Variants in SOAT2 observed in about 807,000 individuals in gnomAD.
SOAT2 encodes the protein sterol O-acyltransferase 2.
Under a neutral mutation model 76.0 loss-of-function variants are expected in SOAT2, and 87 were observed. The observed-to-expected ratio is 1.14, with a 90% confidence interval of 0.96 to 1.37. SOAT2 has a LOEUF of 1.37. SOAT2 is among the 40% of genes most tolerant of loss of function. SOAT2 has a pLI of 0.00. For synonymous variants in SOAT2, 285 were observed against 275.4 expected, an observed-to-expected ratio of 1.03 and a Z score of -0.34; for missense variants, 686 against 682.1, an observed-to-expected ratio of 1.01 and a Z score of -0.06.
At chr12:53,108,510 C>T (rs554176323) in intron 5 of SOAT2, among the ~76,000 whole-genome samples, 1 of 152,178 alleles carries the variant, frequency 6.6e-6, no homozygotes. Context: ...AAACATGCTC[C>T]AAATTTTATT....
At position 53,115,655 on chromosome 12, in the gene SOAT2, G is replaced by A. The variant is rs778032491; in HGVS notation, c.708+1G>A. ...CCGTTGTGTCCTGGTCTTCGAGCAG[G>A]TGAGGGCCGAGCCCTGCTGACGGAC... On this transcript the variant is annotated splice_donor_variant, in intron 6 of 14. Transcript: ENST00000301466. LOFTEE classifies it high-confidence loss of function. 6.6e-7 allele frequency: 1 copy of A among 1,521,124 alleles called. No individual in the cohort carries two copies. Among genetic ancestry groups the A allele is most frequent in the Non-Finnish European group, 8.8e-7 (1 of 1,140,158 alleles). The allele number at this position is 1,521,124 out of a possible 1,614,324, so 94.2% of individuals were successfully genotyped here. A position where few individuals can be genotyped will look rare whatever the true frequency, so the allele number is the denominator to read the frequency against.
intron 6 of SOAT2, among the ~76,000 whole-genome samples, 170 bp downstream of exon 6, chr12:53,115,824 G>A (rs552419385): frequency 1.3e-5 from 2 of 152,242 alleles, no homozygotes; most frequent in Non-Finnish European, 2.9e-5. Flanking sequence ...CGAGGGATTT[G>A]GGGAACCTGC....
chr12:53,104,413 T>A (rs950073355), intron 2 of SOAT2, among the ~76,000 whole-genome samples: 1 of 151,000 alleles, frequency 6.6e-6, no homozygotes, highest in African/African-American at 2.4e-5. Context: ...GAACTACAGA[T>A]GAGTGCCACC....
chr12:53,118,801 G>A, intron 8 of SOAT2, 89 bp from the exon 9 acceptor site: 1 of 1,425,718 alleles, frequency 7.0e-7, no homozygotes, highest in Non-Finnish European at 9.9e-7. Context: ...TAAGGGAACT[G>A]AGGAGAGAGG....
chr12:53,117,113 C>A (rs1304523665), intron 7 of SOAT2, among the ~76,000 whole-genome samples: 4 of 151,778 alleles, frequency 2.6e-5, no homozygotes, highest in Non-Finnish European at 4.4e-5. Context: ...TGTGTGTCAC[C>A]ACACCCAGCT....
intron 11 of SOAT2, 107 bp downstream of exon 11, chr12:53,120,990 C>T: frequency 2.4e-6 from 2 of 843,114 alleles, no homozygotes; most frequent in East Asian, 4.8e-5. Flanking sequence ...ATGCTGTTCA[C>T]CTCCCATAAT....
intron 5 of SOAT2, among the ~76,000 whole-genome samples, chr12:53,113,197 T>C (rs1164539357): frequency 6.6e-6 from 1 of 151,998 alleles, no homozygotes; most frequent in Non-Finnish European, 1.5e-5. Flanking sequence ...CAAAACCAAC[T>C]CAAAACCTGA....
intron 5 of SOAT2, among the ~76,000 whole-genome samples, chr12:53,110,641 T>C (rs1252908130): frequency 6.6e-6 from 1 of 152,168 alleles, no homozygotes; most frequent in East Asian, 1.9e-4. Flanking sequence ...TTTTTGCATA[T>C]CTAGGGGGCA....
chr12:53,108,343 TAA>T (rs1022138019), intron 5 of SOAT2, among the ~76,000 whole-genome samples: 1 of 152,174 alleles, frequency 6.6e-6, no homozygotes, highest in Non-Finnish European at 1.5e-5. Context: ...TTCGATTCCT[TAA>T]AAAAGAGTAC....
At chr12:53,110,176 G>T (rs1319973876) in intron 5 of SOAT2, among the ~76,000 whole-genome samples, 1 of 152,098 alleles carries the variant, frequency 6.6e-6, no homozygotes, top group Non-Finnish European at 1.5e-5. Flanking sequence ...TATACACCTT[G>T]CACATAAATT....
chr12:53,120,711 C>T, intron 10 of SOAT2, 75 bp from the exon 11 acceptor site: 1 of 1,046,838 alleles, frequency 9.6e-7, no homozygotes, highest in Admixed American at 1.7e-5. Context: ...AGGGGCTCCT[C>T]AGAACCCAGA....
intron 5 of SOAT2, among the ~76,000 whole-genome samples, chr12:53,113,583 GC>G (rs1175383743): frequency 6.6e-6 from 1 of 152,192 alleles, no homozygotes; most frequent in Admixed American, 6.5e-5. Flanking sequence ...ATTTCTTGAG[GC>G]CCAGTAACGA....
In SOAT2 at chr12:53,119,285, G is replaced by T. The variant is rs1250476714; in HGVS notation, c.1039+32G>T. 8.7e-6 allele frequency: 14 copies of T among 1,609,378 alleles called. No individual in the cohort carries two copies. In the Admixed American group the frequency reaches 2.4e-4, roughly 27 times the overall value. ...CAACTAAGGTAGGGCTAGAGCAGCTGTGCCCTGGGGAAGGCTAATCAGGGA... is the reference window on the plus strand; with the variant it reads ...CAACTAAGGTAGGGCTAGAGCAGCTTTGCCCTGGGGAAGGCTAATCAGGGA... On this transcript the variant is annotated intron_variant, in intron 10 of 14. Coordinates refer to ENST00000301466, the MANE Select transcript of SOAT2 (RefSeq NM_003578.4).
chr12:53,121,280 C>T (rs367901323), intron 11 of SOAT2, 23 bp from the exon 12 acceptor site: 14 of 1,579,362 alleles, frequency 8.9e-6, no homozygotes, highest in African/African-American at 2.7e-5. Context: ...TCCTTTCCCC[C>T]ACTCTGACCC....
chr12:53,113,101 T>C (rs1040244791), intron 5 of SOAT2, among the ~76,000 whole-genome samples: 3 of 152,154 alleles, frequency 2.0e-5, no homozygotes, highest in African/African-American at 4.8e-5. Context: ...GTTTACATGC[T>C]ATCAAAGGGA....
intron 12 of SOAT2, 79 bp downstream of exon 12, chr12:53,121,480 A>T (rs980626461): frequency 8.3e-7 from 1 of 1,211,070 alleles, no homozygotes; most frequent in Non-Finnish European, 1.2e-6. Context: ...CTCCTGCTAC[A>T]GTGTGGCAAC....
At position 53,115,671 on chromosome 12, in the gene SOAT2, G is replaced by A. The variant is rs1473499515; in HGVS notation, c.708+17G>A. On this transcript the variant is annotated intron_variant, in intron 6 of 14. Transcript: ENST00000301466. ...TTCGAGCAGGTGAGGGCCGAGCCCT[G>A]CTGACGGACAGGAAGGAACCAGCTG... The A allele has an allele frequency of 1.3e-6, 2 of 1,496,806 alleles. No individual in the cohort carries two copies. The highest frequency in any genetic ancestry group is 1.3e-5 in the South Asian group (1 of 75,374). 92.7% of individuals were successfully genotyped at this position (1,496,806 alleles called of 1,614,324 possible). A position where few individuals can be genotyped will look rare whatever the true frequency, so the allele number is the denominator to read the frequency against.
intron 12 of SOAT2, 69 bp downstream of exon 12, chr12:53,121,470 C>A: frequency 3.1e-6 from 4 of 1,297,614 alleles, no homozygotes; most frequent in Non-Finnish European, 3.3e-6. Flanking sequence ...CTCTCCTTCC[C>A]TCCTGCTACA....
Position 53,119,245 on chromosome 12 carries a change from C to T in SOAT2, c.1031C>T (p.Thr344Met), listed in dbSNP as rs536694188. The change falls in exon 10 of 15, where the codon ACG becomes ATG. Residue 344 changes from threonine to methionine, a missense_variant. Thr to Met is a moderately conservative substitution (Grantham distance 81, BLOSUM62 -1). Transcript: ENST00000301466. ...CTGGTGCTCTCTATCCTGCATGCCA[C>T]GTTGCCAGGTGAGCCAACTAAGGTA... ...RALVLSILHATLPGIFMLLLI... is the reference protein window; with the variant it reads ...RALVLSILHAMLPGIFMLLLI... 75 of 1,613,970 alleles carry T rather than the reference C, an allele frequency of 4.6e-5. No homozygotes were observed. Among genetic ancestry groups the T allele is most frequent in the African/African-American group, 8.0e-5 (6 of 75,026 alleles).
Sources: allele counts gnomAD v4.1 joint callset (sites outside exome capture counted in the v4.1 genomes callset), GRCh38; gene constraint gnomAD v4.1.1; transcripts MANE v1.5; gene names NCBI Gene and HGNC (gene_info 2026-07-23, HGNC 2026-07-21).